RALGPS1: variants seen among roughly 807,000 people sequenced by gnomAD.
RALGPS1 encodes the protein ras-specific guanine nucleotide-releasing factor RalGPS1.
A neutral mutation model predicts 78.8 loss-of-function variants in RALGPS1; 19 were observed. The observed-to-expected ratio is 0.24, with a 90% CI of 0.17 to 0.35. RALGPS1 has a LOEUF of 0.35. Ranked by LOEUF, RALGPS1 falls within the 10% of genes least tolerant of loss-of-function variation. The pLI is 1.00. For synonymous variants in RALGPS1, 228 were observed against 256.3 expected (o/e 0.89, Z 1.06); for missense variants, 454 against 688.3 (o/e 0.66, Z 3.81).
intron 8 of RALGPS1, among the ~76,000 whole-genome samples, chr9:127,147,533 AC>A (rs1194685201): frequency 1.3e-5 from 2 of 152,168 alleles, no homozygotes; most frequent in Non-Finnish European, 2.9e-5. Flanking sequence ...AATATTTGAT[AC>A]ATTTTGAGCT....
At chr9:127,004,778 GCTT>G (rs1442790850) in intron 4 of RALGPS1, among the ~76,000 whole-genome samples, 13 of 152,188 alleles carry the variant, frequency 8.5e-5, no homozygotes, top group African/African-American at 2.9e-4. Context: ...GCAATGATAG[GCTT>G]CTTGTCAGTG....
At chr9:126,942,481 A>G (rs559881282) in intron 1 of RALGPS1, among the ~76,000 whole-genome samples, 24 of 152,324 alleles carry the variant, frequency 1.6e-4, no homozygotes, top group African/African-American at 5.8e-4. Flanking sequence ...TGAAGAATCT[A>G]TCTTCTCCAC....
At chr9:127,041,521 T>A (rs1335908859) in intron 5 of RALGPS1, among the ~76,000 whole-genome samples, 1 of 152,196 alleles carries the variant, frequency 6.6e-6, no homozygotes, top group East Asian at 1.9e-4. Context: ...GTCAGCTATT[T>A]TGTGTTTTAG....
At chr9:127,023,905 C>T (rs1217398168) in intron 4 of RALGPS1, among the ~76,000 whole-genome samples, 3 of 152,090 alleles carry the variant, frequency 2.0e-5, no homozygotes, top group Middle Eastern at 3.4e-3. Context: ...GGCATGGTGG[C>T]GGGCTCCTGT....
chr9:127,104,704 C>T lies in RALGPS1; in HGVS notation c.610+35348C>T, dbSNP rs115214288. Among the ~76,000 whole-genome samples, 745 of 152,336 alleles carry T rather than the reference C, an allele frequency of 4.9e-3. 8 individuals are homozygous for T. The highest frequency in any genetic ancestry group is 0.017 in the African/African-American group (713 of 41,584). On this transcript the variant is annotated intron_variant, in intron 8 of 18. Transcript: ENST00000259351. ...TTGTGGTACAGCTTCAGATAAGCAGCCATGGCTCCCTTAGTCCCCTGGGGA... is the reference window on the plus strand; with the variant it reads ...TTGTGGTACAGCTTCAGATAAGCAGTCATGGCTCCCTTAGTCCCCTGGGGA...
At chr9:127,099,908 G>C (rs1564576586) in intron 8 of RALGPS1, among the ~76,000 whole-genome samples, 1 of 152,144 alleles carries the variant, frequency 6.6e-6, no homozygotes, top group Non-Finnish European at 1.5e-5. Flanking sequence ...TGGTGCCTGG[G>C]GCCAATGAGT....
At chr9:127,089,089 G>A (rs747021731) in intron 8 of RALGPS1, 2 of 1,614,104 alleles carry the variant, frequency 1.2e-6, no homozygotes, top group African/African-American at 1.3e-5. Context: ...GGTTGGAGTG[G>A]GCACAGGCGT....
chr9:126,940,686 C>G (rs994478628), intron 1 of RALGPS1, among the ~76,000 whole-genome samples: 1 of 152,012 alleles, frequency 6.6e-6, no homozygotes, highest in Non-Finnish European at 1.5e-5. Context: ...CGTGATCCGT[C>G]GAACAGGTAT....
At chr9:127,014,382 C>T (rs903687849) in intron 4 of RALGPS1, among the ~76,000 whole-genome samples, 2 of 152,156 alleles carry the variant, frequency 1.3e-5, no homozygotes, top group Non-Finnish European at 2.9e-5. Context: ...CATCATCAGA[C>T]AGTACAAATG....
rs919697932 is a variant in RALGPS1, at chr9:127,095,887, G to A, written c.610+26531G>A. 8.5e-5 allele frequency among the ~76,000 whole-genome samples: 13 copies of A among 152,296 alleles called. No individual in the cohort carries two copies. The South Asian group carries it at 1.2e-3, about 15-fold the overall frequency. On this transcript the variant is annotated intron_variant, in intron 8 of 18. Coordinates refer to ENST00000259351, the MANE Select transcript of RALGPS1 (RefSeq NM_014636.3). ...AGCATTCATCCACCTAGAACCTGAC[G>A]GGAAGGCAGGGGCTGTCTTGCTCAT... is the stretch of plus-strand genomic sequence containing the variant.
At chr9:127,154,962 A>G (rs568268098) in intron 8 of RALGPS1, among the ~76,000 whole-genome samples, 1 of 152,320 alleles carries the variant, frequency 6.6e-6, no homozygotes, top group African/African-American at 2.4e-5. Flanking sequence ...TACCCAATAT[A>G]GAGGCAGGTT....
chr9:127,089,098 G>T (rs759635513), intron 8 of RALGPS1: 4 of 1,614,090 alleles, frequency 2.5e-6, no homozygotes, highest in African/African-American at 1.3e-5. Context: ...GGGCACAGGC[G>T]TTATACCACC....
At chr9:127,192,034 C>T (rs149641249) in intron 11 of RALGPS1, among the ~76,000 whole-genome samples, 88 of 152,312 alleles carry the variant, frequency 5.8e-4, no homozygotes, top group African/African-American at 2.0e-3. Flanking sequence ...ATGGCCAGGT[C>T]AGGAAGAACT....
At chr9:127,063,760 C>T (rs926813412) in intron 7 of RALGPS1, among the ~76,000 whole-genome samples, 2 of 152,082 alleles carry the variant, frequency 1.3e-5, no homozygotes, top group Non-Finnish European at 2.9e-5. Flanking sequence ...TGCTTTTGGC[C>T]TCATCACATA....
chr9:127,087,091 G>A (rs1026675453), intron 8 of RALGPS1, among the ~76,000 whole-genome samples: 2 of 152,186 alleles, frequency 1.3e-5, no homozygotes, highest in African/African-American at 2.4e-5. Context: ...GGTGCTTGGA[G>A]GATATCTGGT....
intron 11 of RALGPS1, chr9:127,178,220 C>A: frequency 2.5e-6 from 1 of 399,928 alleles, no homozygotes; most frequent in Non-Finnish European, 4.5e-6. Context: ...CCTCAGTCTG[C>A]CACCAGAGCC....
intron 8 of RALGPS1, among the ~76,000 whole-genome samples, chr9:127,074,078 C>T (rs539038699): frequency 2.3e-4 from 35 of 152,240 alleles, no homozygotes; most frequent in African/African-American, 8.4e-4. Flanking sequence ...GACGGGGTTT[C>T]ACCATGTTGG....
chr9:127,189,637 T>C (rs1198847795), intron 11 of RALGPS1, among the ~76,000 whole-genome samples: 1 of 152,174 alleles, frequency 6.6e-6, no homozygotes, highest in Non-Finnish European at 1.5e-5. Flanking sequence ...GTTGGGTGGT[T>C]GGAGGAGAGT....
chr9:127,150,384 C>G (rs1267750015), intron 8 of RALGPS1, among the ~76,000 whole-genome samples: 2 of 152,194 alleles, frequency 1.3e-5, no homozygotes, highest in African/African-American at 4.8e-5. Context: ...AGACCAGTAC[C>G]CATTGCAGCC....
Sources: allele counts gnomAD v4.1 joint callset (sites outside exome capture counted in the v4.1 genomes callset), GRCh38; gene constraint gnomAD v4.1.1; transcripts MANE v1.5; gene names NCBI Gene and HGNC (gene_info 2026-07-23, HGNC 2026-07-21).